Variants in PTPRM observed in about 807,000 individuals in gnomAD.
The protein encoded by PTPRM is receptor-type tyrosine-protein phosphatase mu.
Under a neutral mutation model 186.7 loss-of-function variants are expected in PTPRM, and 47 were observed. The ratio of observed to expected loss-of-function variants is 0.25; its 90% confidence interval spans 0.20 to 0.32. PTPRM has a LOEUF of 0.32. Ranked by LOEUF, PTPRM falls within the 10% of genes least tolerant of loss-of-function variation. The probability of loss-of-function intolerance (pLI) is 1.00; values close to 1 mark genes in which losing one functional copy is unlikely to be tolerated. For synonymous variants in PTPRM, 668 were observed against 674.9 expected (o/e 0.99, Z 0.16); for missense variants, 1,494 against 1,865.0 (o/e 0.80, Z 3.66).
At chr18:7,699,753 A>T in intron 1 of PTPRM, among the ~76,000 whole-genome samples, 1 of 149,838 alleles carries the variant, frequency 6.7e-6, no homozygotes, top group South Asian at 2.1e-4. Flanking sequence ...AATAGTTAAC[A>T]TTTTCTGTGG....
intron 13 of PTPRM, among the ~76,000 whole-genome samples, chr18:8,132,828 T>C (rs1467443777): frequency 6.6e-6 from 1 of 152,230 alleles, no homozygotes; most frequent in Non-Finnish European, 1.5e-5. Flanking sequence ...AGTATTTATT[T>C]CCATGCTCTT....
intron 2 of PTPRM, among the ~76,000 whole-genome samples, chr18:7,850,772 A>G (rs756786976): frequency 5.3e-5 from 8 of 152,344 alleles, no homozygotes; most frequent in Non-Finnish European, 8.8e-5. Context: ...TGAAAGTAAC[A>G]TTAACTGTAG....
At chr18:7,679,106 T>C (rs1238327112) in intron 1 of PTPRM, among the ~76,000 whole-genome samples, 1 of 152,236 alleles carries the variant, frequency 6.6e-6, no homozygotes, top group East Asian at 1.9e-4. Context: ...TATCTTTTCC[T>C]TTGGCTGTAC....
chr18:7,611,742 A>G (rs551252997), intron 1 of PTPRM, among the ~76,000 whole-genome samples: 6 of 152,264 alleles, frequency 3.9e-5, no homozygotes, highest in African/African-American at 1.2e-4. Flanking sequence ...TAATGGTCTT[A>G]TGAGGGAGAG....
At chr18:7,857,182 G>A (rs1303426704) in intron 2 of PTPRM, among the ~76,000 whole-genome samples, 1 of 152,120 alleles carries the variant, frequency 6.6e-6, no homozygotes, top group African/African-American at 2.4e-5. Flanking sequence ...GCACATGACG[G>A]GCAGGTTGAC....
At chr18:7,798,813 C>T (rs756876327) in intron 2 of PTPRM, among the ~76,000 whole-genome samples, 15 of 152,106 alleles carry the variant, frequency 9.9e-5, no homozygotes, top group East Asian at 1.9e-4. Flanking sequence ...ATTTAAAAGA[C>T]GATTATTCTC....
intron 7 of PTPRM, among the ~76,000 whole-genome samples, chr18:8,067,106 A>G (rs780837939): frequency 2.0e-5 from 3 of 152,244 alleles, no homozygotes; most frequent in Non-Finnish European, 2.9e-5. Flanking sequence ...TGTTTAAACT[A>G]ATATCTGAAG....
Position 8,183,856 on chromosome 18 carries a change from G to A in PTPRM, c.2300+40077G>A, listed in dbSNP as rs143015897. Among the ~76,000 whole-genome samples, 1,141 of 152,290 alleles carry A rather than the reference G, an allele frequency of 7.5e-3. 15 individuals are homozygous for A. The highest frequency in any genetic ancestry group is 0.026 in the African/African-American group (1,086 of 41,550). ...TCCCAAGTCTAGGTGGAACCGGCCT[G>A]CCACTTGGGCCCCAGGCTGTCTCCA... On this transcript the variant is annotated intron_variant, in intron 14 of 32. Coordinates refer to ENST00000580170, the MANE Select transcript of PTPRM (RefSeq NM_001105244.2).
chr18:7,881,365 G>T (rs1169794983), intron 2 of PTPRM, among the ~76,000 whole-genome samples: 2 of 152,210 alleles, frequency 1.3e-5, no homozygotes, highest in African/African-American at 4.8e-5. Context: ...AACCCAGGAG[G>T]CAGAGGTTGC....
intron 2 of PTPRM, among the ~76,000 whole-genome samples, chr18:7,818,859 A>G (rs573810719): frequency 6.6e-6 from 1 of 152,336 alleles, no homozygotes; most frequent in African/African-American, 2.4e-5. Flanking sequence ...TGGAGGATTC[A>G]TGTTCCAGTA....
At position 8,240,777 on chromosome 18, in the gene PTPRM, G is replaced by GGAGGGAGAGAGAGAGA. The variant is rs2094420075; in HGVS notation, c.2301-3278_2301-3277insGGAGAGAGAGAGAGAG. Among the ~76,000 whole-genome samples the GGAGGGAGAGAGAGAGA allele has an allele frequency of 7.3e-4, 42 of 57,304 alleles. 1 individual carries two copies. Among genetic ancestry groups the GGAGGGAGAGAGAGAGA allele is most frequent in the South Asian group, 3.2e-3 (4 of 1,248 alleles). 37.6% of individuals were successfully genotyped at this position (57,304 alleles called of 152,430 possible). A position where few individuals can be genotyped will look rare whatever the true frequency, so the allele number is the denominator to read the frequency against. ...GCGAGGGAGGGAGGGAGAGAGAGAGGGAGAGAGAGAGAGAGAGAGAGAGAG... is the reference window on the plus strand; with the variant it reads ...GCGAGGGAGGGAGGGAGAGAGAGAGGGAGGGAGAGAGAGAGAGAGAGAGAGAGAGAGAGAGAGAGAG... On this transcript the variant is annotated intron_variant, in intron 14 of 32. Coordinates refer to ENST00000580170, the MANE Select transcript of PTPRM (RefSeq NM_001105244.2).
At chr18:7,868,425 T>C (rs1599167834) in intron 2 of PTPRM, among the ~76,000 whole-genome samples, 1 of 152,354 alleles carries the variant, frequency 6.6e-6, no homozygotes, top group East Asian at 1.9e-4. Context: ...CCTTTCTGTT[T>C]GTTAGTTTTC....
intron 11 of PTPRM, among the ~76,000 whole-genome samples, chr18:8,103,710 C>G (rs1415744583): frequency 3.9e-5 from 6 of 152,210 alleles, no homozygotes; most frequent in Non-Finnish European, 8.8e-5. Flanking sequence ...TCCTATCATT[C>G]ATGTGTTCAC....
chr18:8,393,349 T>C (rs918794867), intron 31 of PTPRM, among the ~76,000 whole-genome samples: 11 of 152,236 alleles, frequency 7.2e-5, no homozygotes, highest in Admixed American at 2.6e-4. Flanking sequence ...TTGTGATGAC[T>C]TCTCAGATTG....
chr18:7,815,975 A>C (rs1235797226), intron 2 of PTPRM, among the ~76,000 whole-genome samples: 2 of 152,230 alleles, frequency 1.3e-5, no homozygotes, highest in Non-Finnish European at 2.9e-5. Context: ...CCCTTTGAAG[A>C]GAGTCTAATT....
chr18:7,650,533 A>C (rs571115730), intron 1 of PTPRM, among the ~76,000 whole-genome samples: 9 of 148,896 alleles, frequency 6.0e-5, no homozygotes, highest in Non-Finnish European at 1.5e-5. Context: ...ACAAATATTT[A>C]AATTTTCACA....
intron 14 of PTPRM, among the ~76,000 whole-genome samples, chr18:8,237,431 ATTTTTTTTTTTTTTTTTT>A (rs59073560): frequency 1.4e-4 from 10 of 71,676 alleles, no homozygotes; most frequent in African/African-American, 5.0e-4. Flanking sequence ...GATTCCCTCA[ATTTTTTTTTTTTTTTTTT>A]TTTTTTTTTT....
chr18:8,402,439 C>T (rs187663279), intron 32 of PTPRM, among the ~76,000 whole-genome samples: 62 of 152,316 alleles, frequency 4.1e-4, no homozygotes, highest in Middle Eastern at 3.4e-3. Context: ...CCTGAGTTTC[C>T]GGCCTGTGTT....
chr18:8,023,018 C>T (rs966512677), intron 7 of PTPRM, among the ~76,000 whole-genome samples: 4 of 151,992 alleles, frequency 2.6e-5, no homozygotes, highest in African/African-American at 4.8e-5. Context: ...TTCAGTCACC[C>T]GGTGGTTTAC....
Sources: allele counts gnomAD v4.1 joint callset (sites outside exome capture counted in the v4.1 genomes callset), GRCh38; gene constraint gnomAD v4.1.1; transcripts MANE v1.5; gene names NCBI Gene and HGNC (gene_info 2026-07-23, HGNC 2026-07-21).